Variants in CLVS1 observed in about 807,000 individuals in gnomAD.
CLVS1 encodes clavesin-1.
In CLVS1, 10 loss-of-function variants were observed where a neutral mutation model predicts 33.1. The ratio of observed to expected loss-of-function variants is 0.30; its 90% CI spans 0.19 to 0.51. The LOEUF is 0.51. CLVS1 is among the 20% of genes least tolerant of loss of function. The pLI is 0.97. For synonymous variants in CLVS1, 163 were observed against 166.1 expected, an observed-to-expected ratio of 0.98 and a Z score of 0.14; for missense variants, 343 against 433.4, an observed-to-expected ratio of 0.79 and a Z score of 1.85.
intron 2 of CLVS1, among the ~76,000 whole-genome samples, chr8:61,200,144 G>A (rs1380317957): frequency 6.6e-6 from 1 of 152,182 alleles, no homozygotes; most frequent in Non-Finnish European, 1.5e-5. Flanking sequence ...TTGAGATGGA[G>A]TTTCATTCTT....
intron 2 of CLVS1, among the ~76,000 whole-genome samples, chr8:61,269,517 T>C (rs1300897669): frequency 1.3e-5 from 2 of 152,034 alleles, no homozygotes; most frequent in Non-Finnish European, 1.5e-5. Flanking sequence ...TTTGGTTCCA[T>C]ATGAACTTTA....
At chr8:61,415,928 C>T (rs961377479) in intron 3 of CLVS1, among the ~76,000 whole-genome samples, 3 of 151,952 alleles carry the variant, frequency 2.0e-5, no homozygotes, top group African/African-American at 7.3e-5. Flanking sequence ...GTTTGGAGAC[C>T]CCTGCACTAG....
At chr8:61,156,628 T>G (rs1484666241) in intron 2 of CLVS1, among the ~76,000 whole-genome samples, 1 of 152,206 alleles carries the variant, frequency 6.6e-6, no homozygotes, top group East Asian at 1.9e-4. Flanking sequence ...TTTAAAAGAT[T>G]ACTACACTAT....
chr8:61,111,340 G>A (rs899627236), intron 1 of CLVS1, among the ~76,000 whole-genome samples: 1 of 152,124 alleles, frequency 6.6e-6, no homozygotes, highest in Non-Finnish European at 1.5e-5. Context: ...TCCTCCAAAA[G>A]GAGGAAGAGA....
intron 2 of CLVS1, among the ~76,000 whole-genome samples, chr8:61,181,519 G>T (rs1325470941): frequency 6.6e-6 from 1 of 151,912 alleles, no homozygotes; most frequent in Admixed American, 6.6e-5. Context: ...AACCTGTATA[G>T]CCAAGACAAT....
intron 1 of CLVS1, among the ~76,000 whole-genome samples, chr8:61,094,467 A>G (rs1359153083): frequency 6.6e-6 from 1 of 152,120 alleles, no homozygotes; most frequent in African/African-American, 2.4e-5. Flanking sequence ...GGCTATTAAT[A>G]TTATCTTCTC....
In CLVS1 at chr8:61,458,315, G is replaced by A. The variant is rs558167366; in HGVS notation, c.750G>A (p.Leu250=). Residue 250 remains leucine (L), a synonymous_variant, in exon 5 of 6, where the codon CTG becomes CTA. Coordinates refer to ENST00000325897, the MANE Select transcript of CLVS1 (RefSeq NM_173519.3). The part of the protein sequence containing the change: ...LKDKTRKRIF[L]HGNNLNSLHQ... Reference sequence around the variant, plus strand: ...TTTTGTTTTCTTTACAGATTTTCCTGCATGGAAACAATTTAAACAGCCTTC... The same window carrying A: ...TTTTGTTTTCTTTACAGATTTTCCTACATGGAAACAATTTAAACAGCCTTC... 3 of 1,609,560 alleles carry A rather than the reference G, an allele frequency of 1.9e-6. No individual in the cohort carries two copies. Among genetic ancestry groups the A allele is most frequent in the African/African-American group, 2.7e-5 (2 of 74,792 alleles).
chr8:61,136,080 G>A (rs113814921), intron 2 of CLVS1, among the ~76,000 whole-genome samples: 48 of 152,388 alleles, frequency 3.1e-4, no homozygotes, highest in African/African-American at 1.2e-3. Flanking sequence ...AAACTCTGGT[G>A]ACTGTGGAAG....
chr8:61,164,018 C>A (rs1021271652), intron 2 of CLVS1, among the ~76,000 whole-genome samples: 1 of 152,178 alleles, frequency 6.6e-6, no homozygotes, highest in African/African-American at 2.4e-5. Flanking sequence ...ACTCCCGGCT[C>A]GAATGCGTGG....
rs540918735 is a variant in CLVS1 at position 61,132,312 on chromosome 8, G to GGC, written c.-152+453_-152+454dup. ...TGGTGAAAACCGATGCTGGGGTTGC[G>GGC]GCAGGGGAATCCTGGAGATGAGGGG... On this transcript the variant is annotated intron_variant, in intron 2 of 2. Coordinates refer to the CLVS1 transcript ENST00000522621. 8.3e-4 allele frequency among the ~76,000 whole-genome samples: 126 copies of GGC among 152,350 alleles called. 2 individuals carry two copies. The highest frequency in any genetic ancestry group is 2.9e-3 in the African/African-American group (121 of 41,574).
chr8:61,405,613 A>C (rs1029889318), intron 3 of CLVS1, among the ~76,000 whole-genome samples: 4 of 152,252 alleles, frequency 2.6e-5, no homozygotes, highest in Non-Finnish European at 5.9e-5. Context: ...TCTACAAAAC[A>C]TAATAAATAA....
At chr8:61,150,161 G>A (rs1806500403) in intron 2 of CLVS1, among the ~76,000 whole-genome samples, 1 of 149,996 alleles carries the variant, frequency 6.7e-6, no homozygotes, top group South Asian at 2.1e-4. Context: ...TCGACCTGGT[G>A]CAGGCCAGGA....
At chr8:61,317,965 C>G (rs192372122) in intron 2 of CLVS1, among the ~76,000 whole-genome samples, 31 of 152,270 alleles carry the variant, frequency 2.0e-4, no homozygotes, top group African/African-American at 7.0e-4. Flanking sequence ...CACTATGAAG[C>G]CTTGCACCCG....
chr8:61,218,003 C>T (rs1276784118), intron 2 of CLVS1, among the ~76,000 whole-genome samples: 1 of 152,082 alleles, frequency 6.6e-6, no homozygotes, highest in Non-Finnish European at 1.5e-5. Context: ...CAAAAAATAA[C>T]AAATGCTGGT....
At chr8:61,215,455 T>C (rs1164199120) in intron 2 of CLVS1, among the ~76,000 whole-genome samples, 1 of 152,198 alleles carries the variant, frequency 6.6e-6, no homozygotes, top group African/African-American at 2.4e-5. Context: ...GAATTCAAGC[T>C]GCTTATTATA....
intron 2 of CLVS1, among the ~76,000 whole-genome samples, chr8:61,162,544 G>T (rs1345637184): frequency 6.6e-6 from 1 of 152,212 alleles, no homozygotes; most frequent in Middle Eastern, 3.2e-3. Context: ...CCAGTTGAAT[G>T]AATGGCAAAA....
intron 2 of CLVS1, among the ~76,000 whole-genome samples, chr8:61,282,217 C>T (rs1479017435): frequency 2.0e-5 from 3 of 152,164 alleles, no homozygotes; most frequent in African/African-American, 7.2e-5. Flanking sequence ...CAAAAAGAAT[C>T]TCAGTAAGTA....
At chr8:61,447,587 A>T (rs1816801463) in intron 3 of CLVS1, among the ~76,000 whole-genome samples, 1 of 151,896 alleles carries the variant, frequency 6.6e-6, no homozygotes, top group African/African-American at 2.4e-5. Flanking sequence ...TATGTCATGC[A>T]TTCATAACTT....
intron 1 of CLVS1, among the ~76,000 whole-genome samples, chr8:61,091,710 T>G (rs1298193388): frequency 6.6e-6 from 1 of 152,208 alleles, no homozygotes; most frequent in East Asian, 1.9e-4. Context: ...TTACTAAATA[T>G]CTAAACTAAC....
Sources: allele counts gnomAD v4.1 joint callset (sites outside exome capture counted in the v4.1 genomes callset), GRCh38; gene constraint gnomAD v4.1.1; transcripts MANE v1.5; gene names NCBI Gene and HGNC (gene_info 2026-07-23, HGNC 2026-07-21).